Variants in URB1 observed in about 807,000 individuals in gnomAD.
The protein encoded by URB1 is URB1 ribosome biogenesis factor, also known as nucleolar pre-ribosomal-associated protein 1.
A neutral mutation model predicts 242.3 loss-of-function variants in URB1; 197 were observed. The ratio of observed to expected loss-of-function variants is 0.81; its 90% confidence interval spans 0.72 to 0.91. The LOEUF is 0.91. URB1 is among the 40% of genes least tolerant of loss of function. URB1 has a pLI of 0.00. For synonymous variants in URB1, 1,153 were observed against 1,201.8 expected (o/e 0.96, Z 0.84); for missense variants, 2,721 against 2,860.5 (o/e 0.95, Z 1.11).
chr21:32,380,840 T>C (rs2033514741), intron 4 of URB1, among the ~76,000 whole-genome samples: 1 of 152,228 alleles, frequency 6.6e-6, no homozygotes, highest in Admixed American at 6.5e-5. Context: ...GTAACAGTAC[T>C]GGGAGTCAGG....
At position 32,316,922 on chromosome 21, in the gene URB1, T is replaced by C. The variant is rs1266076517; in HGVS notation, c.6178A>G (p.Arg2060Gly). 9.0e-6 allele frequency: 14 copies of C among 1,551,674 alleles called. No homozygotes were observed. Among genetic ancestry groups the C allele is most frequent in the Non-Finnish European group, 1.2e-5 (14 of 1,146,988 alleles). ...GGTCTCCAGTAAGTCAAGATGGACC[T>C]CAGGAGGCCCTTGCATGTCTCCAAG... is the stretch of plus-strand genomic sequence containing the variant. ...STLETCKGLL[R>G]SILTYWRPVI... The change falls in exon 38 of 39, where the codon AGG becomes GGG. Residue 2060 changes from arginine (R) to glycine (G), a missense_variant. Transcript: ENST00000382751.
At chr21:32,337,255 C>A in intron 27 of URB1, 98 bp from the exon 28 acceptor site, 1 of 1,395,810 alleles carries the variant, frequency 7.2e-7, no homozygotes, top group South Asian at 1.3e-5. Context: ...TCAAATGGCC[C>A]GGTCCTCATA....
At position 32,359,822 on chromosome 21, in the gene URB1, T is replaced by C; in HGVS notation, c.1843A>G (p.Ser615Gly). ...MLKVALELPASKFLWLKAQEG... is the reference protein window; with the variant it reads ...MLKVALELPAGKFLWLKAQEG... Reference sequence around the variant, plus strand: ...TGTGCCTTTAACCACAGAAACTTGCTGGCCGGCAGCTCCAGGGCCACCTTC... The same window carrying C: ...TGTGCCTTTAACCACAGAAACTTGCCGGCCGGCAGCTCCAGGGCCACCTTC... The change falls in exon 14 of 39, where the codon AGC becomes GGC. Residue 615 changes from serine to glycine, a missense_variant. By Grantham distance (56) the Ser-to-Gly change is moderately conservative. Coordinates refer to ENST00000382751, the MANE Select transcript of URB1 (RefSeq NM_014825.3). The C allele has an allele frequency of 6.5e-7, 1 of 1,547,172 alleles. No homozygotes were observed. The highest frequency in any genetic ancestry group is 1.2e-5 in the South Asian group (1 of 83,260).
At position 32,347,750 on chromosome 21, in the gene URB1, G is replaced by A. The variant is rs1340757801; in HGVS notation, c.3074C>T (p.Ala1025Val). ...CGGCGGGAGGGCCTGCTGCTCCAGGGCCAGGAACCAGCCCTCCAGGGTGGG... is the reference window on the plus strand; with the variant it reads ...CGGCGGGAGGGCCTGCTGCTCCAGGACCAGGAACCAGCCCTCCAGGGTGGG... ...RHPTLEGWFL[A>V]LEQQALPPHT... Residue 1025 changes from alanine to valine, a missense_variant, in exon 22 of 39, where the codon GCC becomes GTC. Physicochemically the swap from Ala to Val is moderately conservative, Grantham distance 64. Transcript: ENST00000382751. 5.2e-6 allele frequency: 8 copies of A among 1,549,356 alleles called. No homozygotes were observed. The highest frequency in any genetic ancestry group is 1.2e-5 in the South Asian group (1 of 84,062).
chr21:32,373,724 T>C lies in URB1; in HGVS notation c.799A>G (p.Thr267Ala). Residue 267 changes from threonine to alanine, a missense_variant, in exon 7 of 39, where the codon ACG (threonine) becomes GCG (alanine). Physicochemically the swap from Thr to Ala is moderately conservative, Grantham distance 58. Coordinates refer to ENST00000382751, the MANE Select transcript of URB1 (RefSeq NM_014825.3). ...ITKTQKVRFF[T>A]GQLLNHIASL... ...GCTATGTGGTTCAATAACTGCCCCG[T>C]AAAGAAACGCACCTTCTGGGTTTTT... 1 of 1,549,072 alleles carries C rather than the reference T, an allele frequency of 6.5e-7. No homozygotes were observed.
rs187485893 is a variant in URB1 at position 32,366,739 on chromosome 21, G to A, written c.1214C>T (p.Pro405Leu). Residue 405 changes from proline to leucine, a missense_variant, in exon 10 of 39, where the codon CCG becomes CTG. Pro to Leu is a moderately conservative substitution (Grantham distance 98). Coordinates refer to ENST00000382751, the MANE Select transcript of URB1 (RefSeq NM_014825.3). The part of the protein sequence containing the change: ...KLLNKIYEAQ[P>L]EISRAFQTRE... ...GGTCTGAAATGCCCGGGAAATCTCC[G>A]GCTGAGCCTCATAGATCTAGGAAAA... is the stretch of plus-strand genomic sequence containing the variant. The A allele has an allele frequency of 5.1e-4, 799 of 1,551,522 alleles. 2 individuals carry two copies. Among genetic ancestry groups the A allele is most frequent in the Non-Finnish European group, 5.5e-4 (626 of 1,146,884 alleles).
intron 33 of URB1, 73 bp from the exon 34 acceptor site, chr21:32,322,017 A>G (rs1457173502): frequency 1.1e-5 from 16 of 1,514,296 alleles, no homozygotes; most frequent in Non-Finnish European, 1.4e-5. Flanking sequence ...TTCAAACACC[A>G]CTATTTTAAG....
rs1391336842 is a variant in URB1 at position 32,384,454 on chromosome 21, A to G, written c.293T>C (p.Ile98Thr). 3 of 1,550,784 alleles carry G rather than the reference A, an allele frequency of 1.9e-6. No individual in the cohort carries two copies. The highest frequency in any genetic ancestry group is 4.9e-5 in the East Asian group (2 of 40,898). ...EKRPESETML[I>T]FQVFEAILLR... ...TAATATGGCCTCGAAAACTTGAAAT[A>G]TTAACATCGTCTGCAAAGACAGAAT... The change falls in exon 3 of 39, where the codon ATA becomes ACA. Residue 98 changes from isoleucine (I) to threonine (T), a missense_variant. Coordinates refer to ENST00000382751, the MANE Select transcript of URB1 (RefSeq NM_014825.3).
In URB1 at chr21:32,317,887, G is replaced by T; in HGVS notation, c.5823C>A (p.Asn1941Lys). The T allele has an allele frequency of 6.4e-7, 1 of 1,551,784 alleles. No individual in the cohort carries two copies. Residue 1941 changes from asparagine (N) to lysine (K), a missense_variant, in exon 37 of 39, where the codon AAC becomes AAA. Asn to Lys is a moderately conservative substitution (Grantham distance 94, BLOSUM62 0). Transcript: ENST00000382751. ...RPTLAPVQLT[N>K]FFGTLDSVLR... ...GCACGGAGTCAAGTGTCCCGAAGAA[G>T]TTGGTCAGCTGGACGGGGGCCAAGG...
intron 1 of URB1, among the ~76,000 whole-genome samples, chr21:32,387,834 C>T (rs1043277898): frequency 2.6e-5 from 4 of 152,210 alleles, no homozygotes; most frequent in Non-Finnish European, 4.4e-5. Flanking sequence ...TTCTTTCCCA[C>T]ACCAGCTGCC....
At chr21:32,375,504 G>A in intron 5 of URB1, 21 bp from the exon 6 acceptor site, 2 of 1,393,594 alleles carry the variant, frequency 1.4e-6, no homozygotes, top group Middle Eastern at 3.6e-4. Context: ...AAGTTTCAAA[G>A]CATTAAATTC....
chr21:32,381,750 A>G (rs1325172615), intron 4 of URB1, among the ~76,000 whole-genome samples: 2 of 152,194 alleles, frequency 1.3e-5, no homozygotes, highest in Admixed American at 6.5e-5. Flanking sequence ...ACATGCTGAA[A>G]TATTTATAGT....
At chr21:32,360,882 T>C in intron 13 of URB1, 125 bp downstream of exon 13, 1 of 589,686 alleles carries the variant, frequency 1.7e-6, no homozygotes, top group Non-Finnish European at 2.9e-6. Context: ...AAGTACAATT[T>C]CTCAGGCTGA....
In URB1 at chr21:32,312,236, T is replaced by C; in HGVS notation, c.*2682A>G. ...ACACCTAGCCTGCTTGCTTACTGCT[T>C]ATATTTGCTCAGGGAAGAGTAGGAA... On this transcript the variant is annotated 3_prime_UTR_variant, in exon 39 of 39. Coordinates refer to ENST00000382751, the MANE Select transcript of URB1 (RefSeq NM_014825.3). 7.0e-7 allele frequency: 1 copy of C among 1,433,868 alleles called. No individual in the cohort carries two copies. The highest frequency in any genetic ancestry group is 9.1e-7 in the Non-Finnish European group (1 of 1,097,062). 88.8% of individuals were successfully genotyped at this position (1,433,868 alleles called of 1,614,324 possible). A position where few individuals can be genotyped will look rare whatever the true frequency, so the allele number is the denominator to read the frequency against.
chr21:32,375,326 G>T, intron 6 of URB1, 72 bp downstream of exon 6: 1 of 1,011,416 alleles, frequency 9.9e-7, no homozygotes, highest in Non-Finnish European at 1.4e-6. Context: ...CTACAGTCCT[G>T]TAAAACACCG....
At chr21:32,382,923 T>A (rs1329068544) in intron 4 of URB1, among the ~76,000 whole-genome samples, 2 of 152,142 alleles carry the variant, frequency 1.3e-5, no homozygotes, top group African/African-American at 4.8e-5. Flanking sequence ...CTGGGCACAA[T>A]CCAACCCTTA....
In URB1 at chr21:32,392,961, C is replaced by A; in HGVS notation, c.-51G>T. The A allele has an allele frequency of 6.9e-7, 1 of 1,442,576 alleles. No individual in the cohort carries two copies. The allele number at this position is 1,442,576 out of a possible 1,614,324, so 89.4% of individuals were successfully genotyped here. A position where few individuals can be genotyped will look rare whatever the true frequency, so the allele number is the denominator to read the frequency against. ...AAACGACACACCTGAGGGGACCCGG[C>A]AGGAGCACTGGCACAGACAGCAGAC... On this transcript the variant is annotated 5_prime_UTR_variant, in exon 1 of 39. Coordinates refer to ENST00000382751, the MANE Select transcript of URB1 (RefSeq NM_014825.3).
In URB1 at chr21:32,392,935, GA is replaced by G. The variant is rs1201595606; in HGVS notation, c.-26del. 1 of 1,493,058 alleles carries G rather than the reference GA, an allele frequency of 6.7e-7. No individual in the cohort carries two copies. Among genetic ancestry groups the G allele is most frequent in the Non-Finnish European group, 8.9e-7 (1 of 1,121,902 alleles). 92.5% of individuals were successfully genotyped at this position (1,493,058 alleles called of 1,614,324 possible). A position where few individuals can be genotyped will look rare whatever the true frequency, so the allele number is the denominator to read the frequency against. ...TGGCCGAGAGGGCGGAAGCGCGACG[GA>G]AACGACACACCTGAGGGGACCCGGC... On this transcript the variant is annotated 5_prime_UTR_variant, in exon 1 of 39. Coordinates refer to ENST00000382751, the MANE Select transcript of URB1 (RefSeq NM_014825.3).
chr21:32,384,906 A>G (rs1032615255), intron 2 of URB1, among the ~76,000 whole-genome samples: 20 of 152,296 alleles, frequency 1.3e-4, no homozygotes, highest in African/African-American at 4.8e-4. Context: ...GCATGAACCC[A>G]GGATGCGGAG....
Sources: allele counts gnomAD v4.1 joint callset (sites outside exome capture counted in the v4.1 genomes callset), GRCh38; gene constraint gnomAD v4.1.1; transcripts MANE v1.5; gene names NCBI Gene and HGNC (gene_info 2026-07-23, HGNC 2026-07-21).